The following MTPN variants were observed in gnomAD, a reference collection of about 807,000 sequenced individuals.
MTPN encodes the protein granule cell differentiation protein.
Under a neutral mutation model 13.5 loss-of-function variants are expected in MTPN, and 2 were observed. That is an observed-to-expected ratio of 0.15 (90% confidence interval 0.06 to 0.47). MTPN has a LOEUF of 0.47. MTPN is among the 20% of genes least tolerant of loss of function. The pLI is 0.97. For missense variants in MTPN, 79 were observed against 137.9 expected (o/e 0.57, Z 2.14); for synonymous variants, 46 against 51.7 (o/e 0.89, Z 0.48).
intron 3 of MTPN, among the ~76,000 whole-genome samples, chr7:135,946,212 ATTC>A (rs1799285889): frequency 6.6e-6 from 1 of 152,226 alleles, no homozygotes; most frequent in East Asian, 1.9e-4. Flanking sequence ...CCTTGCTATT[ATTC>A]AAGTGTTTAA....
At chr7:135,932,041 T>C (rs571564659) in intron 3 of MTPN, among the ~76,000 whole-genome samples, 1 of 152,282 alleles carries the variant, frequency 6.6e-6, no homozygotes, top group Non-Finnish European at 1.5e-5. Context: ...GTTAACAATT[T>C]ACTGTAGCCC....
chr7:135,932,279 C>T (rs969999422), intron 3 of MTPN: 3 of 152,044 alleles, frequency 2.0e-5, no homozygotes, highest in African/African-American at 7.2e-5. Context: ...GGCACCACCT[C>T]GATGAAAAAG....
chr7:135,935,270 G>A (rs1486138481), intron 3 of MTPN, among the ~76,000 whole-genome samples: 6 of 148,634 alleles, frequency 4.0e-5, no homozygotes, highest in South Asian at 4.2e-4. Context: ...ATGGAGTCTC[G>A]CTCTGTCACC....
intron 3 of MTPN, among the ~76,000 whole-genome samples, chr7:135,931,048 C>T (rs773342374): frequency 6.6e-6 from 1 of 152,116 alleles, no homozygotes; most frequent in East Asian, 1.9e-4. Context: ...ATGCTCTAAT[C>T]CTACAGAATT....
intron 1 of MTPN, among the ~76,000 whole-genome samples, chr7:135,955,309 G>A (rs1276479811): frequency 6.6e-6 from 1 of 152,142 alleles, no homozygotes; most frequent in African/African-American, 2.4e-5. Context: ...AAAAATCAAA[G>A]AAACAGAAAA....
chr7:135,949,879 TATA>T (rs1799337826), intron 3 of MTPN, among the ~76,000 whole-genome samples: 1 of 152,226 alleles, frequency 6.6e-6, no homozygotes, highest in Admixed American at 6.5e-5. Flanking sequence ...AATGAAATAT[TATA>T]AACAACACTT....
intron 1 of MTPN, among the ~76,000 whole-genome samples, chr7:135,953,908 A>G (rs889576238): frequency 6.6e-6 from 1 of 152,236 alleles, no homozygotes; most frequent in Non-Finnish European, 1.5e-5. Flanking sequence ...TGATACATGC[A>G]TTACAACAGG....
Position 135,927,232 on chromosome 7 carries a change from C to T in MTPN, c.*2694G>A. 7.1e-7 allele frequency: 1 copy of T among 1,408,588 alleles called. No individual in the cohort carries two copies. 87.3% of individuals were successfully genotyped at this position (1,408,588 alleles called of 1,614,324 possible). ...GGCCTACTTGTTTGCAGCTTCCACACACTGCACCTACCTACTACCTCTCTT... is the reference window on the plus strand; with the variant it reads ...GGCCTACTTGTTTGCAGCTTCCACATACTGCACCTACCTACTACCTCTCTT... On this transcript the variant is annotated 3_prime_UTR_variant, in exon 4 of 4. Coordinates refer to ENST00000393085, the MANE Select transcript of MTPN (RefSeq NM_145808.4).
chr7:135,961,215 A>G lies in MTPN; in HGVS notation c.73-9585T>C, dbSNP rs569456483. On this transcript the variant is annotated intron_variant, in intron 1 of 3. Transcript: ENST00000393085. ...AGTATAAAGTTCTAACTTATAAATG[A>G]TACATAACCAGAACAGGAACAGAAA... Among the ~76,000 whole-genome samples the G allele has an allele frequency of 2.0e-5, 3 of 152,232 alleles. No homozygotes were observed. The South Asian group carries it at 6.2e-4, about 32-fold the overall frequency.
chr7:135,954,999 TATGAA>T (rs1799421513), intron 1 of MTPN, among the ~76,000 whole-genome samples: 1 of 152,188 alleles, frequency 6.6e-6, no homozygotes, highest in Admixed American at 6.5e-5. Flanking sequence ...GCAAAATGCC[TATGAA>T]ATGGAGTTGT....
chr7:135,945,941 T>C (rs1475724361), intron 3 of MTPN, among the ~76,000 whole-genome samples: 1 of 152,172 alleles, frequency 6.6e-6, no homozygotes, highest in Non-Finnish European at 1.5e-5. Context: ...TAAAGTTTAA[T>C]TTATAAATTA....
intron 1 of MTPN, among the ~76,000 whole-genome samples, chr7:135,961,503 A>G (rs1799521804): frequency 1.3e-5 from 2 of 151,960 alleles, no homozygotes; most frequent in South Asian, 4.1e-4. Flanking sequence ...TGATATTTGG[A>G]GAGAGTTTGA....
chr7:135,956,721 T>A (rs1002985230), intron 1 of MTPN, among the ~76,000 whole-genome samples: 10 of 152,172 alleles, frequency 6.6e-5, no homozygotes, highest in Admixed American at 1.3e-4. Context: ...AACTTCATGT[T>A]TCTTTCTTTT....
At chr7:135,937,686 A>G (rs191481331) in intron 3 of MTPN, among the ~76,000 whole-genome samples, 1 of 152,238 alleles carries the variant, frequency 6.6e-6, no homozygotes, top group Admixed American at 6.5e-5. Flanking sequence ...TTATAAGCAG[A>G]TATTTTTCAA....
chr7:135,969,965 G>C (rs71539484), intron 1 of MTPN, among the ~76,000 whole-genome samples: 2,454 of 152,192 alleles, frequency 0.016, 32 homozygotes, highest in African/African-American at 0.037. Flanking sequence ...GGGAACCATC[G>C]GTCTCATGTC....
intron 1 of MTPN, among the ~76,000 whole-genome samples, chr7:135,976,487 C>T (rs1299019146): frequency 6.6e-6 from 1 of 152,142 alleles, no homozygotes; most frequent in Non-Finnish European, 1.5e-5. Flanking sequence ...GTTAAGACAC[C>T]ACAGTGAAGT....
intron 2 of MTPN, 78 bp from the exon 3 acceptor site, chr7:135,950,760 TC>T: frequency 8.8e-7 from 1 of 1,137,116 alleles, no homozygotes. Flanking sequence ...GAAAACTCTT[TC>T]TAGATTTACC....
At chr7:135,958,142 T>G (rs1799471510) in intron 1 of MTPN, among the ~76,000 whole-genome samples, 1 of 152,184 alleles carries the variant, frequency 6.6e-6, no homozygotes, top group South Asian at 2.1e-4. Flanking sequence ...ATTCCCTTCC[T>G]TTAATCCTCA....
At chr7:135,958,361 A>G (rs1010751450) in intron 1 of MTPN, among the ~76,000 whole-genome samples, 2 of 152,212 alleles carry the variant, frequency 1.3e-5, no homozygotes, top group African/African-American at 4.8e-5. Context: ...GCTTTGTCAC[A>G]GTGCAACCTG....
Sources: gnomAD v4.1 joint callset for allele counts (sites outside exome capture counted in the v4.1 genomes callset) on GRCh38, gnomAD v4.1.1 for gene constraint, MANE v1.5 for transcripts, NCBI Gene and HGNC (gene_info 2026-07-23, HGNC 2026-07-21) for gene names.